COL22A1: variants seen among roughly 807,000 people sequenced by gnomAD.
The protein encoded by COL22A1 is collagen alpha-1(XXII) chain.
In COL22A1, 221 loss-of-function variants were observed where a neutral mutation model predicts 248.9. The observed-to-expected ratio is 0.89, with a 90% CI of 0.80 to 0.99. The LOEUF (loss-of-function observed/expected upper bound fraction) is 0.99, where lower values mean the gene tolerates loss of function less well. Among genes scored for constraint, COL22A1 ranks in the 50% least tolerant of loss-of-function variants. The pLI is 0.00. For missense variants in COL22A1, 2,240 were observed against 2,179.0 expected (o/e 1.03, Z -0.56); for synonymous variants, 891 against 793.4 (o/e 1.12, Z -2.07).
At position 138,619,752 on chromosome 8, in the gene COL22A1, A is replaced by G. The variant is rs147864093; in HGVS notation, c.3772-244T>C. ...CACAGGTTGCATCTCCAAATTAATT[A>G]TGCTTAGTACCCCCCTTTCACTATC... On this transcript the variant is annotated intron_variant, in intron 52 of 64. Coordinates refer to ENST00000303045, the MANE Select transcript of COL22A1 (RefSeq NM_152888.3). Among the ~76,000 whole-genome samples, 17 of 152,246 alleles carry G rather than the reference A, an allele frequency of 1.1e-4. No homozygotes were observed. The East Asian group carries it at 2.9e-3, about 26-fold the overall frequency.
At chr8:138,840,765 T>G (rs767987638) in intron 4 of COL22A1, among the ~76,000 whole-genome samples, 2 of 152,008 alleles carry the variant, frequency 1.3e-5, no homozygotes, top group African/African-American at 4.8e-5. Context: ...ACCACCATAG[T>G]TGGCTGATTT....
intron 4 of COL22A1, among the ~76,000 whole-genome samples, chr8:138,841,614 G>T (rs868748683): frequency 1.3e-4 from 20 of 152,076 alleles, no homozygotes; most frequent in African/African-American, 4.6e-4. Context: ...AACCTCTTCT[G>T]CAGAGTAGGA....
chr8:138,689,762 G>A (rs541470139), intron 36 of COL22A1, among the ~76,000 whole-genome samples: 11 of 152,306 alleles, frequency 7.2e-5, no homozygotes, highest in Admixed American at 1.3e-4. Flanking sequence ...CAGGCAGCAA[G>A]AAATACACTT....
chr8:138,882,688 C>CCACACACTTTGTCAAA, intron 2 of COL22A1, among the ~76,000 whole-genome samples: 1 of 148,916 alleles, frequency 6.7e-6, no homozygotes, highest in Admixed American at 6.7e-5. Flanking sequence ...CCATACACTC[C>CCACACACTTTGTCAAA]CACACACTTT....
chr8:138,857,917 G>T (rs909226885), intron 3 of COL22A1, among the ~76,000 whole-genome samples: 4 of 152,200 alleles, frequency 2.6e-5, no homozygotes, highest in Non-Finnish European at 5.9e-5. Context: ...GAGGTCGCCT[G>T]CTGAAGGGTA....
chr8:138,649,349 A>T (rs1470015040), intron 46 of COL22A1, among the ~76,000 whole-genome samples: 3 of 152,234 alleles, frequency 2.0e-5, no homozygotes, highest in Non-Finnish European at 2.9e-5. Context: ...GATAGGCAAA[A>T]GTTGTTGGAT....
chr8:138,621,783 C>T (rs1475234384), intron 52 of COL22A1, among the ~76,000 whole-genome samples: 5 of 152,180 alleles, frequency 3.3e-5, no homozygotes, highest in Non-Finnish European at 7.3e-5. Flanking sequence ...GTGCTCAGTG[C>T]CCCACCCTAG....
intron 1 of COL22A1, among the ~76,000 whole-genome samples, chr8:138,911,051 T>G (rs951417784): frequency 7.2e-5 from 11 of 152,146 alleles, no homozygotes; most frequent in Non-Finnish European, 1.6e-4. Flanking sequence ...GGAAGGACCT[T>G]AAAAGCTTAC....
chr8:138,590,151 C>T (rs550762904), intron 64 of COL22A1, among the ~76,000 whole-genome samples: 9 of 152,220 alleles, frequency 5.9e-5, no homozygotes, highest in South Asian at 4.2e-4. Context: ...TTTGGCAACT[C>T]GGAAGGTCAG....
At chr8:138,717,142 T>C (rs927491103) in intron 27 of COL22A1, among the ~76,000 whole-genome samples, 2 of 151,368 alleles carry the variant, frequency 1.3e-5, no homozygotes, top group Non-Finnish European at 3.0e-5. Flanking sequence ...ATTTTTTAAT[T>C]TTTTTTTATT....
In COL22A1 at chr8:138,711,163, C is replaced by T. The variant is rs146851037; in HGVS notation, c.2517+4519G>A. ...AGGGTTGATGCAACAGGCCTGGGTT[C>T]TAATCCCAGCTCCTCCATGACGTGT... On this transcript the variant is annotated intron_variant, in intron 30 of 64. Transcript: ENST00000303045. Among the ~76,000 whole-genome samples the T allele has an allele frequency of 9.2e-3, 1,404 of 152,244 alleles. 32 individuals are homozygous for T. The highest frequency in any genetic ancestry group is 0.032 in the African/African-American group (1,330 of 41,542).
intron 41 of COL22A1, among the ~76,000 whole-genome samples, chr8:138,673,680 C>G (rs1020502067): frequency 4.6e-4 from 70 of 152,302 alleles, no homozygotes; most frequent in African/African-American, 1.6e-3. Context: ...CTGCCCTGGG[C>G]TGGCTGTGTA....
intron 11 of COL22A1, among the ~76,000 whole-genome samples, chr8:138,801,920 C>A (rs75783411): frequency 6.6e-6 from 1 of 151,862 alleles, no homozygotes; most frequent in African/African-American, 2.4e-5. Flanking sequence ...CAAGGTCACA[C>A]GGCTAATAAA....
intron 31 of COL22A1, among the ~76,000 whole-genome samples, chr8:138,700,526 A>C (rs1827867272): frequency 6.6e-6 from 1 of 152,134 alleles, no homozygotes; most frequent in African/African-American, 2.4e-5. Flanking sequence ...CCTTCTCACT[A>C]CTGCCATCTG....
intron 16 of COL22A1, among the ~76,000 whole-genome samples, chr8:138,772,222 T>C (rs1462963183): frequency 6.6e-6 from 1 of 152,246 alleles, no homozygotes; most frequent in African/African-American, 2.4e-5. Context: ...CTCACCCATG[T>C]GTCAACAGAG....
intron 3 of COL22A1, among the ~76,000 whole-genome samples, chr8:138,858,572 A>G (rs974682268): frequency 2.0e-5 from 3 of 151,862 alleles, no homozygotes; most frequent in Non-Finnish European, 4.4e-5. Context: ...TGACCATGGA[A>G]CCTGAGGGTG....
chr8:138,737,324 C>T (rs1287466930), intron 23 of COL22A1, among the ~76,000 whole-genome samples, 200 bp downstream of exon 23: 1 of 152,146 alleles, frequency 6.6e-6, no homozygotes, highest in East Asian at 1.9e-4. Flanking sequence ...TTCAGGATAG[C>T]CAACAATGGC....
intron 3 of COL22A1, among the ~76,000 whole-genome samples, chr8:138,861,578 G>A (rs1216750134): frequency 6.6e-6 from 1 of 152,166 alleles, no homozygotes; most frequent in African/African-American, 2.4e-5. Context: ...ACATGTTCCT[G>A]GGTCTCGCCT....
rs540556560 is a variant in COL22A1, at chr8:138,594,923, G to T, written c.4433-724C>A. ...ACTGGAGATCCTATACATCTAAAAT[G>T]TTAATATGACAGAACTGATTAAAAA... On this transcript the variant is annotated intron_variant, in intron 62 of 64. Coordinates refer to ENST00000303045, the MANE Select transcript of COL22A1 (RefSeq NM_152888.3). Among the ~76,000 whole-genome samples, 62 of 152,278 alleles carry T rather than the reference G, an allele frequency of 4.1e-4. 2 individuals carry two copies. The South Asian group carries it at 0.012, about 31-fold the overall frequency.
Sources: allele counts gnomAD v4.1 joint callset (sites outside exome capture counted in the v4.1 genomes callset), GRCh38; gene constraint gnomAD v4.1.1; transcripts MANE v1.5; gene names NCBI Gene and HGNC (gene_info 2026-07-23, HGNC 2026-07-21).